The following FYN variants were observed in gnomAD, a reference collection of about 807,000 sequenced individuals.
FYN encodes the protein FYN proto-oncogene, Src family tyrosine kinase, also known as tyrosine-protein kinase Fyn.
A neutral mutation model predicts 70.2 loss-of-function variants in FYN; 10 were observed. The observed-to-expected ratio is 0.14, with a 90% CI of 0.09 to 0.24. FYN has a LOEUF of 0.24. FYN is among the 10% of genes least tolerant of loss of function. The pLI is 1.00. For synonymous variants in FYN, 236 were observed against 248.6 expected, an observed-to-expected ratio of 0.95 and a Z score of 0.48; for missense variants, 319 against 673.1, an observed-to-expected ratio of 0.47 and a Z score of 5.82.
chr6:111,846,956 CT>C (rs1393714352), intron 1 of FYN, among the ~76,000 whole-genome samples: 2 of 152,074 alleles, frequency 1.3e-5, no homozygotes, highest in East Asian at 3.9e-4. Context: ...ACACACTTCC[CT>C]TTTTCAGAGT....
In FYN at chr6:111,835,829, T is replaced by TG. The variant is rs554676658; in HGVS notation, c.-82+10759dup. Reference sequence around the variant, plus strand: ...AAAGGAGAAAAAGGAGAAAAGTGTGTGGGGGGAGGGGTTCTATGAATTAAA... The same window carrying TG: ...AAAGGAGAAAAAGGAGAAAAGTGTGTGGGGGGGAGGGGTTCTATGAATTAAA... On this transcript the variant is annotated intron_variant, in intron 2 of 13. Coordinates refer to ENST00000354650, the MANE Select transcript of FYN (RefSeq NM_002037.5). Among the ~76,000 whole-genome samples the TG allele has an allele frequency of 8.7e-3, 1,321 of 151,856 alleles. 6 individuals carry two copies. Among genetic ancestry groups the TG allele is most frequent in the South Asian group, 0.022 (107 of 4,776 alleles).
intron 2 of FYN, among the ~76,000 whole-genome samples, chr6:111,790,225 A>G (rs1189789731): frequency 7.3e-6 from 1 of 136,324 alleles, no homozygotes; most frequent in African/African-American, 2.7e-5. Flanking sequence ...TTTTCTTGTT[A>G]TTGGTAGTTC....
chr6:111,709,565 T>G (rs1800270273), intron 5 of FYN, among the ~76,000 whole-genome samples: 1 of 152,224 alleles, frequency 6.6e-6, no homozygotes, highest in African/African-American at 2.4e-5. Flanking sequence ...TAATTTAGTT[T>G]CCTAATCTCT....
intron 3 of FYN, among the ~76,000 whole-genome samples, chr6:111,734,828 G>C (rs1215029059): frequency 6.6e-6 from 1 of 152,112 alleles, no homozygotes; most frequent in Non-Finnish European, 1.5e-5. Context: ...CCCAGCTCTA[G>C]CCTTTATTCA....
intron 2 of FYN, among the ~76,000 whole-genome samples, chr6:111,812,870 A>G (rs1299295599): frequency 3.3e-5 from 5 of 152,118 alleles, no homozygotes; most frequent in African/African-American, 1.2e-4. Context: ...CTTTAGATAA[A>G]AGACATCATG....
intron 1 of FYN, among the ~76,000 whole-genome samples, chr6:111,850,235 T>C (rs975507544): frequency 3.3e-5 from 5 of 152,242 alleles, no homozygotes; most frequent in Non-Finnish European, 7.3e-5. Context: ...TCTGATTATC[T>C]TAAAAATGGA....
intron 1 of FYN, among the ~76,000 whole-genome samples, chr6:111,857,903 G>A (rs1285638128): frequency 6.6e-6 from 1 of 152,154 alleles, no homozygotes; most frequent in Non-Finnish European, 1.5e-5. Context: ...GGCCTCTGTG[G>A]GATGTCTTGT....
intron 3 of FYN, among the ~76,000 whole-genome samples, chr6:111,757,317 A>G (rs1802782345): frequency 6.6e-6 from 1 of 152,240 alleles, no homozygotes; most frequent in Non-Finnish European, 1.5e-5. Flanking sequence ...AAAAAATTTA[A>G]GACAAACAAG....
intron 2 of FYN, among the ~76,000 whole-genome samples, chr6:111,830,846 A>G (rs1772993618): frequency 6.6e-6 from 1 of 152,160 alleles, no homozygotes; most frequent in African/African-American, 2.4e-5. Context: ...ACTGATTGGT[A>G]AAATGAAGAT....
chr6:111,814,455 A>G (rs958222185), intron 2 of FYN, among the ~76,000 whole-genome samples: 4 of 152,230 alleles, frequency 2.6e-5, no homozygotes, highest in Non-Finnish European at 4.4e-5. Context: ...CTAGAAGAAT[A>G]AAGAAATAAT....
chr6:111,754,015 T>C (rs1446952714), intron 3 of FYN, among the ~76,000 whole-genome samples: 1 of 152,182 alleles, frequency 6.6e-6, no homozygotes, highest in African/African-American at 2.4e-5. Flanking sequence ...CTCACCAAAC[T>C]AGAAGCTACA....
chr6:111,719,337 C>T (rs1368897145), intron 4 of FYN, among the ~76,000 whole-genome samples: 1 of 150,746 alleles, frequency 6.6e-6, no homozygotes, highest in African/African-American at 2.4e-5. Context: ...GAAAGGCAGG[C>T]TGAGGATTAG....
chr6:111,712,116 T>G (rs940257432), intron 5 of FYN, among the ~76,000 whole-genome samples: 1 of 152,144 alleles, frequency 6.6e-6, no homozygotes, highest in Admixed American at 6.6e-5. Flanking sequence ...GTTTCCAGAT[T>G]AACAAAGGAA....
At chr6:111,817,334 A>C (rs928843547) in intron 2 of FYN, among the ~76,000 whole-genome samples, 1 of 152,182 alleles carries the variant, frequency 6.6e-6, no homozygotes, top group Non-Finnish European at 1.5e-5. Flanking sequence ...ATTAAGTAAC[A>C]GATAACATTC....
At chr6:111,732,460 C>T (rs977537698) in intron 3 of FYN, among the ~76,000 whole-genome samples, 8 of 152,200 alleles carry the variant, frequency 5.3e-5, no homozygotes, top group African/African-American at 9.6e-5. Flanking sequence ...CCCAAATCCA[C>T]GTCACTGAAA....
intron 2 of FYN, among the ~76,000 whole-genome samples, chr6:111,803,088 T>C (rs1487496321): frequency 6.6e-6 from 1 of 152,192 alleles, no homozygotes; most frequent in African/African-American, 2.4e-5. Flanking sequence ...TGAAGACTGT[T>C]CACAAGATCC....
At chr6:111,837,810 G>A (rs182294272) in intron 2 of FYN, among the ~76,000 whole-genome samples, 44 of 151,242 alleles carry the variant, frequency 2.9e-4, no homozygotes, top group South Asian at 4.2e-4. Context: ...TCCACCACAC[G>A]ACGCTGCCTC....
At chr6:111,847,511 G>C (rs903338654) in intron 1 of FYN, among the ~76,000 whole-genome samples, 2 of 152,292 alleles carry the variant, frequency 1.3e-5, no homozygotes, top group East Asian at 3.9e-4. Flanking sequence ...AGAGAGCTTT[G>C]AGTTAAGAAA....
intron 2 of FYN, among the ~76,000 whole-genome samples, chr6:111,840,610 G>A (rs1216559079): frequency 6.6e-6 from 1 of 152,138 alleles, no homozygotes; most frequent in Non-Finnish European, 1.5e-5. Context: ...AACAAAGAAG[G>A]TTTTCTGCTC....
Sources: allele counts gnomAD v4.1 joint callset (sites outside exome capture counted in the v4.1 genomes callset), GRCh38; gene constraint gnomAD v4.1.1; transcripts MANE v1.5; gene names NCBI Gene and HGNC (gene_info 2026-07-23, HGNC 2026-07-21).